The following UBXN2A variants were observed in gnomAD, a reference collection of about 807,000 sequenced individuals.
UBXN2A encodes UBX domain protein 2A.
In UBXN2A, 28 loss-of-function variants were observed where a neutral mutation model predicts 28.4. That is an observed-to-expected ratio of 0.99 (90% CI 0.73 to 1.35). The LOEUF (loss-of-function observed/expected upper bound fraction) is 1.35. UBXN2A is among the 40% of genes most tolerant of loss of function. The pLI, the probability that UBXN2A is intolerant of heterozygous loss-of-function variation, is 0.00. For synonymous variants in UBXN2A, 97 were observed against 103.6 expected (o/e 0.94, Z 0.39); for missense variants, 253 against 297.9 (o/e 0.85, Z 1.11).
intron 1 of UBXN2A, chr2:23,944,210 C>G: frequency 6.4e-7 from 1 of 1,554,240 alleles, no homozygotes; most frequent in Non-Finnish European, 8.8e-7. Flanking sequence ...CACTCGTCTT[C>G]CCTCTCATGT....
At chr2:23,958,231 C>A in intron 1 of UBXN2A, 70 bp from the exon 2 acceptor site, 1 of 1,278,936 alleles carries the variant, frequency 7.8e-7, no homozygotes, top group South Asian at 1.6e-5. Flanking sequence ...TACTTTAGGA[C>A]TACATGGTAA....
At chr2:23,930,034 G>A (rs1251925621) in intron 1 of UBXN2A, among the ~76,000 whole-genome samples, 3 of 152,102 alleles carry the variant, frequency 2.0e-5, no homozygotes, top group Non-Finnish European at 4.4e-5. Context: ...GGCTACAGGC[G>A]TGTGCCACCA....
intron 6 of UBXN2A, among the ~76,000 whole-genome samples, chr2:23,987,206 GATAA>G (rs147649347): frequency 0.11 from 16,995 of 151,798 alleles, 1,028 homozygotes; most frequent in Middle Eastern, 0.18. Flanking sequence ...ATGTGGTACA[GATAA>G]ATAACAAATA....
chr2:23,953,532 A>T (rs1706471933), intron 1 of UBXN2A, among the ~76,000 whole-genome samples: 1 of 152,196 alleles, frequency 6.6e-6, no homozygotes, highest in Admixed American at 6.6e-5. Context: ...CTCCAAAATA[A>T]CATCAGATAT....
At chr2:23,956,990 A>G (rs1033134370) in intron 1 of UBXN2A, among the ~76,000 whole-genome samples, 1 of 152,214 alleles carries the variant, frequency 6.6e-6, no homozygotes, top group African/African-American at 2.4e-5. Context: ...CAGATAACGT[A>G]TGCACATCCT....
rs1447002461 is a variant in UBXN2A, at chr2:23,940,527, G to T, written c.-136G>T. 1 of 151,418 alleles carries T rather than the reference G, an allele frequency of 6.6e-6. No individual in the cohort carries two copies. The highest frequency in any genetic ancestry group is 1.5e-5 in the Non-Finnish European group (1 of 67,890). 9.4% of individuals were successfully genotyped at this position (151,418 alleles called of 1,614,324 possible). ...TCTCAGCGGCGCGGCCGCGGAACCT[G>T]AGGCGGTCTGGGGCGGCGGCGCTCC... On this transcript the variant is annotated 5_prime_UTR_variant, in exon 1 of 7. Transcript: ENST00000309033.
intron 1 of UBXN2A, among the ~76,000 whole-genome samples, chr2:23,928,910 C>T (rs533080640): frequency 6.6e-6 from 1 of 152,304 alleles, no homozygotes; most frequent in South Asian, 2.1e-4. Context: ...TGGGATTCCT[C>T]ATAATGGAAC....
intron 1 of UBXN2A, 50 bp downstream of exon 1, chr2:23,940,698 G>A (rs1267936540): frequency 1.3e-5 from 2 of 151,904 alleles, no homozygotes; most frequent in East Asian, 1.9e-4. Context: ...GGCGGGGCGG[G>A]GCGGTCGCCT....
intron 3 of UBXN2A, among the ~76,000 whole-genome samples, chr2:23,975,429 A>G (rs1046623096): frequency 5.3e-5 from 8 of 152,342 alleles, no homozygotes; most frequent in Non-Finnish European, 1.0e-4. Context: ...AATCAAAATA[A>G]CATGTCAAAG....
chr2:23,928,983 A>G (rs1705280393), intron 1 of UBXN2A, among the ~76,000 whole-genome samples: 1 of 152,128 alleles, frequency 6.6e-6, no homozygotes, highest in Admixed American at 6.6e-5. Flanking sequence ...ACAAGTATCA[A>G]TTCCTGTGGA....
At chr2:23,963,804 C>T (rs534253450) in intron 2 of UBXN2A, among the ~76,000 whole-genome samples, 1 of 152,206 alleles carries the variant, frequency 6.6e-6, no homozygotes, top group South Asian at 2.1e-4. Context: ...GCAATCCCAC[C>T]TCTGGATATT....
rs180792965 is a variant in UBXN2A at position 23,990,452 on chromosome 2, T to C, written c.584+5621T>C. ...TAAAGGTAGACTGAATAATTATTTTTATAATGGAAGACAGTAATCAAAAAA... is the reference window on the plus strand; with the variant it reads ...TAAAGGTAGACTGAATAATTATTTTCATAATGGAAGACAGTAATCAAAAAA... On this transcript the variant is annotated intron_variant, in intron 6 of 6. Transcript: ENST00000309033. 2.0e-5 allele frequency among the ~76,000 whole-genome samples: 3 copies of C among 147,328 alleles called. No homozygotes were observed. In the East Asian group the frequency reaches 6.0e-4, roughly 29 times the overall value.
At position 23,977,031 on chromosome 2, in the gene UBXN2A, T is replaced by C; in HGVS notation, c.243T>C (p.Tyr81=). ...CCGTCAACGACGATTTCAGAAGTTA[T>C]TCCGATGGTGCCAGTCAGCAGTTTT... ...GFTVNDDFRS[Y]SDGASQQFLN... The change falls in exon 4 of 7, where the codon TAT becomes TAC. Residue 81 remains tyrosine (Y), a synonymous_variant. Transcript: ENST00000309033. 6.2e-7 allele frequency: 1 copy of C among 1,612,838 alleles called. No homozygotes were observed. The highest frequency in any genetic ancestry group is 8.5e-7 in the Non-Finnish European group (1 of 1,179,032).
intron 1 of UBXN2A, among the ~76,000 whole-genome samples, chr2:23,945,078 TA>T (rs539865448): frequency 1.9e-4 from 29 of 151,832 alleles, no homozygotes; most frequent in Admixed American, 1.1e-3. Flanking sequence ...AAATACTTAT[TA>T]AAAAAAAGGG....
rs1027597171 is a variant in UBXN2A, at chr2:23,949,271, C to G, written c.-15+8623C>G. Among the ~76,000 whole-genome samples, 131 of 151,984 alleles carry G rather than the reference C, an allele frequency of 8.6e-4. 2 individuals are homozygous for G. The highest frequency in any genetic ancestry group is 3.4e-3 in the Middle Eastern group (1 of 294). On this transcript the variant is annotated intron_variant, in intron 1 of 6. Coordinates refer to ENST00000309033, the MANE Select transcript of UBXN2A (RefSeq NM_181713.4). ...GCCACCACACCCAACCCTCTTGTAG[C>G]TTTTAGAAGAAATTTATTTGCCAGG...
intron 1 of UBXN2A, among the ~76,000 whole-genome samples, chr2:23,934,793 G>A (rs981026290): frequency 2.0e-5 from 3 of 152,156 alleles, no homozygotes; most frequent in Non-Finnish European, 2.9e-5. Flanking sequence ...GAAAAACAAG[G>A]CTGGGTGTGG....
At chr2:23,978,657 T>A (rs1180943947) in intron 4 of UBXN2A, among the ~76,000 whole-genome samples, 23 of 145,140 alleles carry the variant, frequency 1.6e-4, no homozygotes, top group Admixed American at 4.2e-4. Flanking sequence ...AAAAAAAAAA[T>A]TTTGTTTTAA....
At chr2:23,936,513 C>G (rs1705532208), upstream of UBXN2A, among the ~76,000 whole-genome samples, 2 of 150,012 alleles carry the variant, frequency 1.3e-5, no homozygotes, top group African/African-American at 4.9e-5. Flanking sequence ...GAGTTTGAGA[C>G]TAGCCTGGGC....
intron 1 of UBXN2A, among the ~76,000 whole-genome samples, chr2:23,955,560 TTG>T (rs967219883): frequency 2.0e-5 from 3 of 152,216 alleles, no homozygotes; most frequent in African/African-American, 7.2e-5. Context: ...AGTTTTGTCA[TTG>T]TGTGAATATC....
Sources: allele counts gnomAD v4.1 joint callset (sites outside exome capture counted in the v4.1 genomes callset), GRCh38; gene constraint gnomAD v4.1.1; transcripts MANE v1.5; gene names NCBI Gene and HGNC (gene_info 2026-07-23, HGNC 2026-07-21).